Variants in IL1RAPL1 observed in about 807,000 individuals in gnomAD.
IL1RAPL1 encodes interleukin-1 receptor accessory protein-like 1.
A neutral mutation model predicts 48.4 loss-of-function variants in IL1RAPL1; 3 were observed. The ratio of observed to expected loss-of-function variants is 0.06; its 90% CI spans 0.03 to 0.16. IL1RAPL1 has a LOEUF of 0.16. IL1RAPL1 is among the 10% of genes least tolerant of loss of function. IL1RAPL1 has a pLI of 1.00. For missense variants in IL1RAPL1, 349 were observed against 530.6 expected, an observed-to-expected ratio of 0.66 and a Z score of 3.36; for synonymous variants, 185 against 187.7, an observed-to-expected ratio of 0.99 and a Z score of 0.12.
At chrX:28,902,319 A>G (rs1489717512) in intron 2 of IL1RAPL1, among the ~76,000 whole-genome samples, 2 of 111,146 alleles carry the variant, frequency 1.8e-5, no homozygotes, top group Non-Finnish European at 3.8e-5. Context: ...CCACAGGTGC[A>G]TGCCACCATG....
At chrX:29,767,395 G>A (rs925878123) in intron 6 of IL1RAPL1, among the ~76,000 whole-genome samples, 5 of 111,959 alleles carry the variant, frequency 4.5e-5, no homozygotes, top group African/African-American at 1.3e-4. Flanking sequence ...TAATAATACC[G>A]TCATTGAAGA....
chrX:28,705,313 G>A (rs1935362226), intron 1 of IL1RAPL1, among the ~76,000 whole-genome samples: 1 of 111,380 alleles, frequency 9.0e-6, no homozygotes, highest in South Asian at 3.7e-4. Context: ...ATTAAGTACT[G>A]AGTGGAAATT....
chrX:29,615,296 C>G (rs932274443), intron 5 of IL1RAPL1, among the ~76,000 whole-genome samples: 2 of 111,091 alleles, frequency 1.8e-5, no homozygotes, highest in Non-Finnish European at 3.8e-5. Context: ...CAAGGAGTTA[C>G]TATATATGGT....
intron 5 of IL1RAPL1, among the ~76,000 whole-genome samples, chrX:29,469,865 G>A (rs959504365): frequency 1.5e-4 from 17 of 111,850 alleles, no homozygotes; most frequent in Admixed American, 1.0e-3. Flanking sequence ...TTAATCTAGT[G>A]AAAACAGGGG....
chrX:28,716,306 A>G (rs1935504028), intron 1 of IL1RAPL1, among the ~76,000 whole-genome samples: 1 of 111,663 alleles, frequency 9.0e-6, no homozygotes, highest in Non-Finnish European at 1.9e-5. Context: ...CTCATATTCA[A>G]CATAGTATTG....
intron 6 of IL1RAPL1, among the ~76,000 whole-genome samples, chrX:29,808,655 G>A (rs1174745675): frequency 1.8e-5 from 2 of 111,156 alleles, no homozygotes; most frequent in African/African-American, 6.5e-5. Flanking sequence ...AACTAAGGTG[G>A]TTTATTTGTA....
chrX:29,669,274 G>A (rs1050196811), intron 6 of IL1RAPL1, among the ~76,000 whole-genome samples: 5 of 111,080 alleles, frequency 4.5e-5, no homozygotes, highest in Non-Finnish European at 7.6e-5. Context: ...CATAAACTTT[G>A]GCAGAAGAGT....
At chrX:29,179,579 C>T (rs1188787326) in intron 2 of IL1RAPL1, among the ~76,000 whole-genome samples, 1 of 110,827 alleles carries the variant, frequency 9.0e-6, no homozygotes, top group East Asian at 2.8e-4. Flanking sequence ...GGATATGATC[C>T]TGGATTATCT....
chrX:29,395,834 G>T (rs1933913695), intron 3 of IL1RAPL1, among the ~76,000 whole-genome samples: 1 of 112,145 alleles, frequency 8.9e-6, no homozygotes, highest in Non-Finnish European at 1.9e-5. Flanking sequence ...AACCAATAGT[G>T]TAAGAGTATG....
At chrX:28,693,714 A>G (rs1243543094) in intron 1 of IL1RAPL1, among the ~76,000 whole-genome samples, 1 of 112,043 alleles carries the variant, frequency 8.9e-6, no homozygotes, top group Non-Finnish European at 1.9e-5. Context: ...GTCTGGAATA[A>G]CAATGATGAC....
intron 5 of IL1RAPL1, among the ~76,000 whole-genome samples, chrX:29,565,078 CT>C (rs1922355116): frequency 8.9e-6 from 1 of 111,792 alleles, no homozygotes; most frequent in Non-Finnish European, 1.9e-5. Flanking sequence ...ATGCATCCCT[CT>C]TTTCATTTAC....
At chrX:29,829,155 TACACACACACAC>T (rs57560936) in intron 6 of IL1RAPL1, among the ~76,000 whole-genome samples, 1,905 of 61,851 alleles carry the variant, frequency 0.031, 17 homozygotes, top group Non-Finnish European at 0.036. Flanking sequence ...GACAAAAACC[TACACACACACAC>T]ACACACACAC....
intron 5 of IL1RAPL1, among the ~76,000 whole-genome samples, chrX:29,495,474 G>C (rs1935203239): frequency 9.0e-6 from 1 of 111,506 alleles, no homozygotes; most frequent in African/African-American, 3.3e-5. Context: ...TCTAATCTCA[G>C]CTAATGGGAC....
At chrX:28,806,325 G>A (rs892809723) in intron 2 of IL1RAPL1, among the ~76,000 whole-genome samples, 7 of 111,723 alleles carry the variant, frequency 6.3e-5, no homozygotes, top group African/African-American at 2.3e-4. Flanking sequence ...TCTTGAGATG[G>A]CACTCCTTCT....
chrX:28,827,612 G>A (rs897103183), intron 2 of IL1RAPL1, among the ~76,000 whole-genome samples: 21 of 111,328 alleles, frequency 1.9e-4, no homozygotes, highest in African/African-American at 5.2e-4. Flanking sequence ...TCTATATTAC[G>A]TGGTAGTTAT....
chrX:29,939,470 C>CA (rs1374301857), intron 8 of IL1RAPL1, among the ~76,000 whole-genome samples: 1 of 111,778 alleles, frequency 8.9e-6, no homozygotes, highest in Non-Finnish European at 1.9e-5. Flanking sequence ...GAACAAGACC[C>CA]AATGTATCCC....
intron 6 of IL1RAPL1, among the ~76,000 whole-genome samples, chrX:29,893,552 G>T (rs1434660849): frequency 2.7e-5 from 3 of 110,778 alleles, no homozygotes; most frequent in Admixed American, 9.7e-5. Context: ...TTCATTTAAG[G>T]TTACAGGTTG....
intron 6 of IL1RAPL1, among the ~76,000 whole-genome samples, chrX:29,725,071 T>G (rs1034169424): frequency 1.8e-5 from 2 of 110,899 alleles, no homozygotes; most frequent in African/African-American, 3.3e-5. Flanking sequence ...TATATATATG[T>G]ACTGGAGACA....
chrX:29,884,118 T>A (rs1036559300), intron 6 of IL1RAPL1, among the ~76,000 whole-genome samples: 3 of 111,951 alleles, frequency 2.7e-5, no homozygotes, highest in Non-Finnish European at 5.6e-5. Flanking sequence ...AAATGATACC[T>A]GATCTCATGA....
Sources: gnomAD v4.1 joint callset for allele counts (sites outside exome capture counted in the v4.1 genomes callset) on GRCh38, gnomAD v4.1.1 for gene constraint, MANE v1.5 for transcripts, NCBI Gene and HGNC (gene_info 2026-07-23, HGNC 2026-07-21) for gene names.